The following ZNF248 variants were observed in gnomAD, a reference collection of about 807,000 sequenced individuals.
ZNF248 encodes the protein zinc finger protein 248.
Under a neutral mutation model 44.3 loss-of-function variants are expected in ZNF248, and 20 were observed. The ratio of observed to expected loss-of-function variants is 0.45; its 90% CI spans 0.32 to 0.66. The LOEUF is 0.66. Ranked by LOEUF, ZNF248 falls within the 30% of genes least tolerant of loss-of-function variation. ZNF248 has a pLI of 0.04. For missense variants in ZNF248, 654 were observed against 677.0 expected (o/e 0.97, Z 0.38); for synonymous variants, 224 against 229.0 (o/e 0.98, Z 0.20).
Position 37,848,009 on chromosome 10 carries a change from G to A in ZNF248, c.15+8287C>T, listed in dbSNP as rs1474315391. On this transcript the variant is annotated intron_variant, in intron 3 of 5. Coordinates refer to ENST00000395867, the MANE Select transcript of ZNF248 (RefSeq NM_021045.3). The stretch of plus-strand genomic sequence containing the variant: ...AAAGAGGCAGGGCACAGTGGCTCAC[G>A]CCTGTAATCCCAGCACTTTGGGAGG... Among the ~76,000 whole-genome samples, 10 of 152,164 alleles carry A rather than the reference G, an allele frequency of 6.6e-5. No individual in the cohort carries two copies. In the East Asian group the frequency reaches 1.3e-3, roughly 21 times the overall value.
In ZNF248 at chr10:37,778,006, G is replaced by A. The variant is rs866670441; in HGVS notation, c.331-1431C>T. 2.8e-3 allele frequency among the ~76,000 whole-genome samples: 432 copies of A among 152,076 alleles called. 5 individuals are homozygous for A. Among genetic ancestry groups the A allele is most frequent in the African/African-American group, 9.2e-3 (383 of 41,496 alleles). ...TGCTGCAATAAACATACGTGTGCAT[G>A]TGTCTTTATAGCAGCATGATTTATA... is the stretch of plus-strand genomic sequence containing the variant. On this transcript the variant is annotated intron_variant, in intron 6 of 6. Transcript: ENST00000615949.
At chr10:37,811,556 C>T (rs1208695) in intron 6 of ZNF248, among the ~76,000 whole-genome samples, 36,550 of 151,746 alleles carry the variant, frequency 0.24, 4,649 homozygotes, top group Middle Eastern at 0.29. Flanking sequence ...ATTTCTAGGC[C>T]AGGCGCAGTG....
chr10:37,779,413 C>A (rs1278742652), intron 6 of ZNF248, among the ~76,000 whole-genome samples: 1 of 152,090 alleles, frequency 6.6e-6, no homozygotes, highest in East Asian at 1.9e-4. Context: ...AAGACAAAAA[C>A]CACATGATTA....
At chr10:37,845,160 T>A (rs2059111194) in intron 3 of ZNF248, among the ~76,000 whole-genome samples, 2 of 151,784 alleles carry the variant, frequency 1.3e-5, no homozygotes, top group South Asian at 4.2e-4. Context: ...GAGCTGGGAC[T>A]CCAGGCACGT....
chr10:37,812,727 C>T (rs138272936), intron 6 of ZNF248, among the ~76,000 whole-genome samples: 38 of 151,970 alleles, frequency 2.5e-4, no homozygotes, highest in African/African-American at 8.7e-4. Context: ...GTCTCTAATT[C>T]GGCCTCTAGA....
intron 5 of ZNF248, among the ~76,000 whole-genome samples, 192 bp from the exon 6 acceptor site, chr10:37,833,308 T>C (rs1264900277): frequency 1.3e-5 from 2 of 152,118 alleles, no homozygotes; most frequent in Non-Finnish European, 2.9e-5. Context: ...CATGCTTCAG[T>C]GGAAACAGGG....
intron 6 of ZNF248, among the ~76,000 whole-genome samples, chr10:37,793,752 A>G (rs987581645): frequency 6.0e-4 from 92 of 152,190 alleles, no homozygotes; most frequent in African/African-American, 2.2e-3. Context: ...AAACTTATCC[A>G]AATTTTAAAG....
chr10:37,759,021 G>A, the ZNF248 span, among the ~76,000 whole-genome samples: 1 of 152,236 alleles, frequency 6.6e-6, no homozygotes, highest in South Asian at 2.1e-4. Flanking sequence ...GAGACCACTA[G>A]GCAAGGAAGG....
chr10:37,762,758 C>T, the ZNF248 span, among the ~76,000 whole-genome samples: 2 of 152,162 alleles, frequency 1.3e-5, no homozygotes, highest in Non-Finnish European at 2.9e-5. Flanking sequence ...TGAAGCTTGG[C>T]ACACTCGAGG....
intron 3 of ZNF248, among the ~76,000 whole-genome samples, chr10:37,851,768 C>CAAAAAAAAAAAA (rs57501241): frequency 6.2e-5 from 2 of 32,054 alleles, no homozygotes; most frequent in African/African-American, 2.6e-4. Context: ...TCAGAATGAC[C>CAAAAAAAAAAAA]AAAAAAAAAA....
At chr10:37,855,704 C>G (rs1274349482) in intron 3 of ZNF248, among the ~76,000 whole-genome samples, 1 of 152,194 alleles carries the variant, frequency 6.6e-6, no homozygotes, top group Non-Finnish European at 1.5e-5. Context: ...CATGCACTAG[C>G]CTTGACTATG....
downstream of ZNF248, among the ~76,000 whole-genome samples, chr10:37,772,190 G>A (rs548826512): frequency 5.1e-4 from 78 of 152,066 alleles, no homozygotes; most frequent in Non-Finnish European, 8.7e-4. Flanking sequence ...ACTTGAACCC[G>A]GGAGGTGGAG....
chr10:37,798,581 TAC>T (rs979199732), intron 6 of ZNF248, among the ~76,000 whole-genome samples: 49 of 152,248 alleles, frequency 3.2e-4, no homozygotes, highest in African/African-American at 1.1e-3. Context: ...TAGAAATATA[TAC>T]ACAGATACAC....
Position 37,832,564 on chromosome 10 carries a change from T to C in ZNF248, c.791A>G (p.His264Arg), listed in dbSNP as rs2056075927. ...SLKLNISQRPHLEMEPYGCSI... is the reference protein window; with the variant it reads ...SLKLNISQRPRLEMEPYGCSI... ...GCATCCATACGGCTCCATTTCCAAATGAGGTCTTTGAGATATATTCAGCTT... is the reference window on the plus strand; with the variant it reads ...GCATCCATACGGCTCCATTTCCAAACGAGGTCTTTGAGATATATTCAGCTT... Residue 264 changes from histidine to arginine, a missense_variant, in exon 6 of 6, where the codon CAT becomes CGT. By Grantham distance (29) the His-to-Arg change is conservative. Coordinates refer to ENST00000395867, the MANE Select transcript of ZNF248 (RefSeq NM_021045.3). 5.6e-6 allele frequency: 9 copies of C among 1,613,708 alleles called. No homozygotes were observed. The highest frequency in any genetic ancestry group is 2.2e-5 in the South Asian group (2 of 91,084).
chr10:37,763,427 T>A, the ZNF248 span, among the ~76,000 whole-genome samples: 1 of 152,206 alleles, frequency 6.6e-6, no homozygotes, highest in African/African-American at 2.4e-5. Flanking sequence ...TTTGCCCACA[T>A]CCTGCATTCA....
At chr10:37,774,626 A>C (rs1228105649), downstream of ZNF248, among the ~76,000 whole-genome samples, 2 of 152,218 alleles carry the variant, frequency 1.3e-5, no homozygotes, top group African/African-American at 4.8e-5. Flanking sequence ...CATCTGTGCC[A>C]CTAAAGAACA....
intron 3 of ZNF248, among the ~76,000 whole-genome samples, chr10:37,841,499 T>G (rs914692848): frequency 6.7e-6 from 1 of 148,358 alleles, no homozygotes; most frequent in African/African-American, 2.5e-5. Context: ...ATAAAATAAC[T>G]AGCAATGAGT....
intron 6 of ZNF248, among the ~76,000 whole-genome samples, chr10:37,777,799 T>C (rs2046772206): frequency 6.6e-6 from 1 of 151,590 alleles, no homozygotes; most frequent in South Asian, 2.1e-4. Context: ...GGTTTTTTGT[T>C]CTTGCGATAA....
At chr10:37,843,492 A>C (rs944900979) in intron 3 of ZNF248, among the ~76,000 whole-genome samples, 5 of 152,076 alleles carry the variant, frequency 3.3e-5, no homozygotes, top group African/African-American at 9.7e-5. Flanking sequence ...TGATTTCCCG[A>C]CTTACCATAT....
Sources: allele counts gnomAD v4.1 joint callset (sites outside exome capture counted in the v4.1 genomes callset), GRCh38; gene constraint gnomAD v4.1.1; transcripts MANE v1.5; gene names NCBI Gene and HGNC (gene_info 2026-07-23, HGNC 2026-07-21).